KCNK18: variants seen among roughly 807,000 people sequenced by gnomAD.
KCNK18 encodes the protein potassium channel subfamily K member 18.
Under a neutral mutation model 11.8 loss-of-function variants are expected in KCNK18, and 8 were observed. The observed-to-expected ratio is 0.68, with a 90% CI of 0.40 to 1.22. KCNK18 has a LOEUF of 1.22. Ranked by LOEUF, KCNK18 falls within the 50% of genes most tolerant of loss-of-function variation. The probability of loss-of-function intolerance (pLI) is 0.01; values close to 1 mark genes in which losing one functional copy is unlikely to be tolerated. For missense variants in KCNK18, 442 were observed against 465.4 expected (o/e 0.95, Z 0.46); for synonymous variants, 208 against 185.8 (o/e 1.12, Z -0.97).
chr10:117,204,348 C>T (rs902152186), intron 2 of KCNK18, among the ~76,000 whole-genome samples: 1 of 151,884 alleles, frequency 6.6e-6, no homozygotes, highest in African/African-American at 2.4e-5. Context: ...GCACTATCAG[C>T]TTCTTGCATG....
chr10:117,197,576 C>T lies in KCNK18; in HGVS notation c.88C>T (p.Leu30=). 1 of 1,614,260 alleles carries T rather than the reference C, an allele frequency of 6.2e-7. No homozygotes were observed. ...CCCTGGCCTCTGCTTCCTCTGCTTTCTGGTGACCTACGCCCTGGTGGGTGC... is the reference window on the plus strand; with the variant it reads ...CCCTGGCCTCTGCTTCCTCTGCTTTTTGGTGACCTACGCCCTGGTGGGTGC... ...LFPGLCFLCF[L]VTYALVGAVV... Residue 30 remains leucine (L), a synonymous_variant, in exon 1 of 3, where the codon CTG becomes TTG. Coordinates refer to ENST00000334549, the MANE Select transcript of KCNK18 (RefSeq NM_181840.1).
At chr10:117,208,205 C>A (rs114934105) in intron 2 of KCNK18, among the ~76,000 whole-genome samples, 4 of 152,152 alleles carry the variant, frequency 2.6e-5, no homozygotes, top group Non-Finnish European at 5.9e-5. Context: ...TGTATGCTCA[C>A]GGCCAAGCTA....
At chr10:117,202,315 A>AT (rs1855022603) in intron 2 of KCNK18, among the ~76,000 whole-genome samples, 1 of 152,354 alleles carries the variant, frequency 6.6e-6, no homozygotes, top group East Asian at 1.9e-4. Flanking sequence ...GGGTCAGCTG[A>AT]TGACTATGTA....
chr10:117,209,442 G>C lies in KCNK18; in HGVS notation c.353-55G>C, dbSNP rs574889643. On this transcript the variant is annotated intron_variant, in intron 2 of 2. Transcript: ENST00000334549. The stretch of plus-strand genomic sequence containing the variant: ...GCAGAAGGTCTCTTTAAAGCTTTTG[G>C]GGGGAAAAAGGGAAGGGGCCAGATG... 9.1e-6 allele frequency: 13 copies of C among 1,432,006 alleles called. No individual in the cohort carries two copies. In the East Asian group the frequency reaches 3.0e-4, roughly 33 times the overall value. 88.7% of individuals were successfully genotyped at this position (1,432,006 alleles called of 1,614,324 possible).
chr10:117,198,636 TA>T (rs972888685), intron 1 of KCNK18, among the ~76,000 whole-genome samples: 3 of 152,154 alleles, frequency 2.0e-5, no homozygotes, highest in Non-Finnish European at 2.9e-5. Context: ...AACCAGACAC[TA>T]AAAGTCAGGA....
chr10:117,209,881 C>A lies in KCNK18; in HGVS notation c.737C>A (p.Ala246Asp), dbSNP rs202105195. 8.7e-6 allele frequency: 14 copies of A among 1,614,202 alleles called. No individual in the cohort carries two copies. Among genetic ancestry groups the A allele is most frequent in the Non-Finnish European group, 1.0e-5 (12 of 1,180,040 alleles). The change falls in exon 3 of 3, where the codon GCC (alanine) becomes GAC (aspartate). Residue 246 changes from alanine (A) to aspartate (D), a missense_variant. Ala to Asp is a moderately radical substitution (Grantham distance 126, BLOSUM62 -2). Coordinates refer to ENST00000334549, the MANE Select transcript of KCNK18 (RefSeq NM_181840.1). The part of the protein sequence containing the change: ...KQNTLQLPPQ[A>D]MERSNSCPEL... ...AACACACTGCAACTGCCCCCACAAG[C>A]CATGGAGAGGAGTAACTCGTGTCCC...
intron 1 of KCNK18, 47 bp downstream of exon 1, chr10:117,197,758 G>A (rs763203779): frequency 6.5e-7 from 1 of 1,546,076 alleles, no homozygotes; most frequent in Non-Finnish European, 8.9e-7. Flanking sequence ...CGTGGTGGCA[G>A]CAGTCCCCCA....
intron 1 of KCNK18, among the ~76,000 whole-genome samples, chr10:117,199,104 G>A (rs1242407658): frequency 6.6e-6 from 1 of 152,160 alleles, no homozygotes; most frequent in Non-Finnish European, 1.5e-5. Context: ...AATCATTTGA[G>A]GCCAGGAGTT....
intron 1 of KCNK18, among the ~76,000 whole-genome samples, chr10:117,198,776 C>T (rs1854980533): frequency 6.6e-6 from 1 of 152,182 alleles, no homozygotes; most frequent in Admixed American, 6.5e-5. Context: ...GGCAGAGTCT[C>T]CTGTCTGTGG....
chr10:117,198,820 C>T (rs538269254), intron 1 of KCNK18, among the ~76,000 whole-genome samples: 16 of 152,254 alleles, frequency 1.1e-4, no homozygotes, highest in South Asian at 2.1e-4. Flanking sequence ...GCCAGACAGA[C>T]GCCAGCCTGC....
rs1855010790 is a variant in KCNK18, at chr10:117,201,249, G to A, written c.314G>A (p.Ser105Asn). The A allele has an allele frequency of 1.9e-6, 3 of 1,614,058 alleles. No homozygotes were observed. Among genetic ancestry groups the A allele is most frequent in the Non-Finnish European group, 2.5e-6 (3 of 1,180,030 alleles). ...FNRTTHWSFL[S>N]SLFFCCTVFS... ...AGGACCACACACTGGTCCTTCCTGA[G>A]CTCGCTCTTTTTCTGCTGCACGGTG... The change falls in exon 2 of 3, where the codon AGC (serine) becomes AAC (asparagine). Residue 105 changes from serine (S) to asparagine (N), a missense_variant. Physicochemically the swap from Ser to Asn is conservative, Grantham distance 46 (BLOSUM62 1). Transcript: ENST00000334549.
rs879094898 is a variant in KCNK18, at chr10:117,201,385, C to G, written c.352+98C>G. ...GAATTGGGGTGTGGAGATGGCCCTCCTCTCCCTCTCTTCTTCCCTCCCTTC... is the reference window on the plus strand; with the variant it reads ...GAATTGGGGTGTGGAGATGGCCCTCGTCTCCCTCTCTTCTTCCCTCCCTTC... On this transcript the variant is annotated intron_variant, in intron 2 of 2. Transcript: ENST00000334549. 72 of 1,238,744 alleles carry G rather than the reference C, an allele frequency of 5.8e-5. No homozygotes were observed. In the South Asian group the frequency reaches 8.2e-4, roughly 14 times the overall value. 76.7% of individuals were successfully genotyped at this position (1,238,744 alleles called of 1,614,324 possible).
intron 1 of KCNK18, among the ~76,000 whole-genome samples, chr10:117,199,834 G>C (rs557177630): frequency 6.6e-6 from 1 of 152,306 alleles, no homozygotes; most frequent in South Asian, 2.1e-4. Flanking sequence ...GCCAGGTTCA[G>C]TGCCATTCTC....
chr10:117,202,352 G>A (rs773464559), intron 2 of KCNK18, among the ~76,000 whole-genome samples: 17 of 152,216 alleles, frequency 1.1e-4, no homozygotes, highest in Non-Finnish European at 1.6e-4. Flanking sequence ...GATGCCTTCA[G>A]CAGTGACTAA....
At chr10:117,205,945 G>A (rs1425677696) in intron 2 of KCNK18, among the ~76,000 whole-genome samples, 1 of 152,070 alleles carries the variant, frequency 6.6e-6, no homozygotes, top group African/African-American at 2.4e-5. Flanking sequence ...AGCTACTCAG[G>A]AGGCTGAGGC....
intron 1 of KCNK18, among the ~76,000 whole-genome samples, chr10:117,200,358 G>A (rs190349115): frequency 8.5e-5 from 13 of 152,306 alleles, no homozygotes; most frequent in East Asian, 1.9e-4. Flanking sequence ...AATTATAGGC[G>A]TGAGCCATCG....
rs201128727 is a variant in KCNK18, at chr10:117,197,715, G to C, written c.223+4G>C. The C allele has an allele frequency of 6.7e-5, 108 of 1,613,380 alleles. No individual in the cohort carries two copies. The East Asian group carries it at 1.4e-3, about 20-fold the overall frequency. On this transcript the variant is annotated splice_donor_region_variant and intron_variant, in intron 1 of 2. Coordinates refer to ENST00000334549, the MANE Select transcript of KCNK18 (RefSeq NM_181840.1). ...ATCTTGAACTGCAGTGAAACAGGTA[G>C]GTGCCTCACCTGGACAGGGTGGGCC... is the stretch of plus-strand genomic sequence containing the variant.
chr10:117,208,897 T>C (rs974288923), intron 2 of KCNK18, among the ~76,000 whole-genome samples: 1 of 152,114 alleles, frequency 6.6e-6, no homozygotes. Context: ...CCCTACACCA[T>C]GCCCAGCTAA....
chr10:117,210,224 C>T lies in KCNK18; in HGVS notation c.1080C>T (p.Asn360=). Residue 360 remains asparagine (N), a synonymous_variant, in exon 3 of 3, where the codon AAC becomes AAT. Coordinates refer to ENST00000334549, the MANE Select transcript of KCNK18 (RefSeq NM_181840.1). ...IVFIAFKLVQ[N]RLIDIYKNVM... ...TCATTGCTTTCAAGTTGGTGCAAAA[C>T]AGGCTGATTGACATATACAAAAATG... 6.2e-7 allele frequency: 1 copy of T among 1,614,150 alleles called. No individual in the cohort carries two copies. Among genetic ancestry groups the T allele is most frequent in the Non-Finnish European group, 8.5e-7 (1 of 1,179,992 alleles).
Sources: allele counts gnomAD v4.1 joint callset (sites outside exome capture counted in the v4.1 genomes callset), GRCh38; gene constraint gnomAD v4.1.1; transcripts MANE v1.5; gene names NCBI Gene and HGNC (gene_info 2026-07-23, HGNC 2026-07-21).